MACROD2: variants seen among roughly 807,000 people sequenced by gnomAD.
MACROD2 encodes mono-ADP ribosylhydrolase 2, also known as ADP-ribose glycohydrolase MACROD2.
MACROD2 carries 36 observed loss-of-function variants against 70.4 expected under a neutral mutation model. The observed-to-expected ratio is 0.51, with a 90% confidence interval of 0.39 to 0.68. The LOEUF (loss-of-function observed/expected upper bound fraction) is 0.68. Among genes scored for constraint, MACROD2 ranks in the 30% least tolerant of loss-of-function variants. The pLI is 0.00. For synonymous variants in MACROD2, 172 were observed against 178.8 expected, an observed-to-expected ratio of 0.96 and a Z score of 0.30; for missense variants, 496 against 538.4, an observed-to-expected ratio of 0.92 and a Z score of 0.78.
intron 8 of MACROD2, among the ~76,000 whole-genome samples, chr20:15,506,120 G>C (rs529883884): frequency 6.6e-6 from 1 of 152,272 alleles, no homozygotes; most frequent in Admixed American, 6.5e-5. Flanking sequence ...AAGGCTCCCA[G>C]ACCTCACCCA....
intron 2 of MACROD2, among the ~76,000 whole-genome samples, chr20:14,008,705 C>T (rs1232075250): frequency 6.6e-6 from 1 of 152,152 alleles, no homozygotes; most frequent in Non-Finnish European, 1.5e-5. Flanking sequence ...ATCACGCTAC[C>T]TGACTTCAAA....
intron 8 of MACROD2, among the ~76,000 whole-genome samples, chr20:15,519,100 TTCCTTCCTTCCTTCC>T (rs1013609138): frequency 6.7e-6 from 1 of 148,690 alleles, no homozygotes; most frequent in African/African-American, 2.5e-5. Context: ...CCTTCCTTCC[TTCCTTCCTTCCTTCC>T]TTCCTTTCTT....
At chr20:14,365,844 G>A (rs998174736) in intron 3 of MACROD2, among the ~76,000 whole-genome samples, 1 of 152,068 alleles carries the variant, frequency 6.6e-6, no homozygotes, top group Admixed American at 6.6e-5. Flanking sequence ...AATTTCCCTT[G>A]TGATTTCTTT....
intron 3 of MACROD2, among the ~76,000 whole-genome samples, chr20:14,132,112 C>T (rs1314198627): frequency 8.0e-6 from 1 of 124,232 alleles, no homozygotes; most frequent in African/African-American, 3.0e-5. Context: ...GCCTGGGTGA[C>T]AGAGCGAGAC....
At position 16,039,326 on chromosome 20, in the gene MACROD2, A is replaced by T. The variant is rs553892972; in HGVS notation, c.1154-1875A>T. Reference sequence around the variant, plus strand: ...TGTTAGCAAAGTAAATTACCTTTTCATGTGTTTTGCAGGCCATTTTTATAT... The same window carrying T: ...TGTTAGCAAAGTAAATTACCTTTTCTTGTGTTTTGCAGGCCATTTTTATAT... On this transcript the variant is annotated intron_variant, in intron 15 of 17. Transcript: ENST00000684519. Among the ~76,000 whole-genome samples, 7 of 151,870 alleles carry T rather than the reference A, an allele frequency of 4.6e-5. No homozygotes were observed. The South Asian group carries it at 6.2e-4, about 14-fold the overall frequency.
intron 8 of MACROD2, among the ~76,000 whole-genome samples, chr20:15,817,044 G>T (rs2063884460): frequency 6.6e-6 from 1 of 152,148 alleles, no homozygotes; most frequent in Non-Finnish European, 1.5e-5. Flanking sequence ...CTAAGCCTTT[G>T]TAAGTTCTCA....
At chr20:14,198,090 T>G (rs1024098701) in intron 3 of MACROD2, among the ~76,000 whole-genome samples, 1 of 152,006 alleles carries the variant, frequency 6.6e-6, no homozygotes, top group Admixed American at 6.6e-5. Flanking sequence ...GCCTACTTTA[T>G]AACAACTTTA....
intron 5 of MACROD2, among the ~76,000 whole-genome samples, chr20:14,701,076 A>G (rs2071190974): frequency 6.6e-6 from 1 of 152,144 alleles, no homozygotes; most frequent in African/African-American, 2.4e-5. Context: ...GTGCTGAAAC[A>G]TTGGTGCTTA....
At chr20:14,876,510 C>T (rs962370123) in intron 5 of MACROD2, among the ~76,000 whole-genome samples, 1 of 152,034 alleles carries the variant, frequency 6.6e-6, no homozygotes, top group Non-Finnish European at 1.5e-5. Context: ...GTAGCAATTG[C>T]TTTTGAGGAC....
chr20:15,347,392 A>T (rs16995579), intron 6 of MACROD2, among the ~76,000 whole-genome samples: 12 of 152,166 alleles, frequency 7.9e-5, no homozygotes, highest in African/African-American at 2.2e-4. Flanking sequence ...AGGCCACTGG[A>T]TAATCACCAG....
chr20:14,336,852 G>C (rs934135794), intron 3 of MACROD2, among the ~76,000 whole-genome samples: 1 of 152,188 alleles, frequency 6.6e-6, no homozygotes, highest in African/African-American at 2.4e-5. Flanking sequence ...GCTCAGGCAC[G>C]ATAGCAGTGC....
At chr20:14,553,335 C>T (rs1417355331) in intron 4 of MACROD2, among the ~76,000 whole-genome samples, 1 of 151,312 alleles carries the variant, frequency 6.6e-6, no homozygotes, top group East Asian at 2.0e-4. Context: ...ATGGAACTGT[C>T]ATCTCCTATG....
At chr20:14,101,112 T>G (rs1010512840) in intron 3 of MACROD2, among the ~76,000 whole-genome samples, 7 of 151,664 alleles carry the variant, frequency 4.6e-5, no homozygotes, top group Middle Eastern at 3.2e-3. Flanking sequence ...ATAAAAACTT[T>G]TGAGTTGGTT....
chr20:14,022,435 C>A (rs1391792530), intron 2 of MACROD2, among the ~76,000 whole-genome samples: 4 of 147,816 alleles, frequency 2.7e-5, no homozygotes, highest in African/African-American at 9.8e-5. Flanking sequence ...ACTCAGAGCC[C>A]AATTCTTTTT....
chr20:15,619,482 T>A (rs2049093883), intron 8 of MACROD2: 1 of 282,012 alleles, frequency 3.5e-6, no homozygotes, highest in Non-Finnish European at 7.3e-6. Context: ...GGCAGGATCA[T>A]TCAGCTTGGC....
chr20:15,733,832 T>C (rs1212975995), intron 8 of MACROD2, among the ~76,000 whole-genome samples: 10 of 152,224 alleles, frequency 6.6e-5, no homozygotes, highest in African/African-American at 2.4e-4. Context: ...CTCACTTGAA[T>C]TCAACTTCTT....
At chr20:15,275,716 G>A (rs1568685441) in intron 6 of MACROD2, among the ~76,000 whole-genome samples, 2 of 152,142 alleles carry the variant, frequency 1.3e-5, no homozygotes. Flanking sequence ...AAGAGAAGAA[G>A]CGATATTTAG....
At chr20:14,107,903 A>G (rs2054392586) in intron 3 of MACROD2, among the ~76,000 whole-genome samples, 1 of 152,170 alleles carries the variant, frequency 6.6e-6, no homozygotes, top group Non-Finnish European at 1.5e-5. Flanking sequence ...TCTGAAATAA[A>G]AGAACATTAA....
At chr20:15,225,422 A>T (rs1019107745) in intron 5 of MACROD2, among the ~76,000 whole-genome samples, 3 of 152,204 alleles carry the variant, frequency 2.0e-5, no homozygotes, top group African/African-American at 7.2e-5. Context: ...TAACTTGAAC[A>T]TCAAAAAATA....
Sources: allele counts gnomAD v4.1 joint callset (sites outside exome capture counted in the v4.1 genomes callset), GRCh38; gene constraint gnomAD v4.1.1; transcripts MANE v1.5; gene names NCBI Gene and HGNC (gene_info 2026-07-23, HGNC 2026-07-21).